Variants in SYNE1 observed in about 807,000 individuals in gnomAD.
SYNE1 encodes the protein nesprin-1.
SYNE1 carries 616 observed loss-of-function variants against 1,111.0 expected under a neutral mutation model. The ratio of observed to expected loss-of-function variants is 0.55; its 90% CI spans 0.52 to 0.59. SYNE1 has a LOEUF of 0.59. Ranked by LOEUF, SYNE1 falls within the 20% of genes least tolerant of loss-of-function variation. SYNE1 has a pLI of 0.00. For synonymous variants in SYNE1, 3,855 were observed against 3,825.8 expected (o/e 1.01, Z -0.28); for missense variants, 10,006 against 10,417.0 (o/e 0.96, Z 1.72).
At chr6:152,613,785 G>C (rs139398214) in intron 3 of SYNE1, among the ~76,000 whole-genome samples, 8,792 of 150,684 alleles carry the variant, frequency 0.058, 286 homozygotes, top group Non-Finnish European at 0.086. Flanking sequence ...TACCAAAACA[G>C]ATATATAGAG....
At chr6:152,553,050 G>T (rs2099353099) in intron 3 of SYNE1, among the ~76,000 whole-genome samples, 1 of 152,034 alleles carries the variant, frequency 6.6e-6, no homozygotes. Context: ...AATGTATGTG[G>T]CAGGCATATG....
chr6:152,310,146 G>A, intron 89 of SYNE1, 129 bp from the exon 90 acceptor site: 11 of 1,293,554 alleles, frequency 8.5e-6, no homozygotes, highest in Non-Finnish European at 1.2e-5. Flanking sequence ...GTTTAAAACA[G>A]TGTTGAGTTT....
chr6:152,463,255 T>G (rs2098744815), intron 19 of SYNE1, 98 bp downstream of exon 19: 2 of 1,559,730 alleles, frequency 1.3e-6, no homozygotes, highest in South Asian at 2.3e-5. Context: ...TTTGCCTTAA[T>G]AAACCCGTGC....
intron 3 of SYNE1, among the ~76,000 whole-genome samples, chr6:152,618,884 C>A (rs964972663): frequency 6.6e-6 from 1 of 152,116 alleles, no homozygotes; most frequent in Non-Finnish European, 1.5e-5. Flanking sequence ...GGGAAGGCTG[C>A]ATATATTCTT....
At chr6:152,636,009 G>A (rs1322604929) in intron 2 of SYNE1, among the ~76,000 whole-genome samples, 1 of 152,176 alleles carries the variant, frequency 6.6e-6, no homozygotes, top group Non-Finnish European at 1.5e-5. Flanking sequence ...CTGGCCGCCT[G>A]TGCACCACCA....
chr6:152,325,063 C>T, intron 81 of SYNE1, 21 bp downstream of exon 81: 10 of 1,611,840 alleles, frequency 6.2e-6, no homozygotes, highest in Non-Finnish European at 7.6e-6. Context: ...GAAAGGTGAG[C>T]CCATGGACAG....
At chr6:152,157,815 G>C (rs2061672923) in intron 131 of SYNE1, among the ~76,000 whole-genome samples, 1 of 150,314 alleles carries the variant, frequency 6.7e-6, no homozygotes, top group Non-Finnish European at 1.5e-5. Context: ...CTGGAGTGCA[G>C]TGGCATGATC....
chr6:152,334,264 TAAC>T lies in SYNE1; in HGVS notation c.12535_12537del (p.Val4179del), dbSNP rs1356327027. On this transcript the variant is annotated inframe_deletion, in exon 77 of 146. Transcript: ENST00000367255. ...GATGCCTGTTTGCTCTGTAGTTTCT[TAAC>T]AAAATCCTAAAGGATAACAGCAACA... 4 of 1,613,514 alleles carry T rather than the reference TAAC, an allele frequency of 2.5e-6. No individual in the cohort carries two copies. Among genetic ancestry groups the T allele is most frequent in the Non-Finnish European group, 3.4e-6 (4 of 1,180,014 alleles).
In SYNE1 at chr6:152,453,648, G is replaced by C; in HGVS notation, c.2965C>G (p.Leu989Val). The change falls in exon 25 of 146, where the codon CTT (leucine) becomes GTT (valine). Residue 989 changes from leucine (L) to valine (V), a missense_variant. Around this residue, in one of 7 missense-constraint regions of SYNE1, gnomAD observed 1,971 missense variants for 2,084.1 expected, o/e 0.95. Coordinates refer to ENST00000367255, the MANE Select transcript of SYNE1 (RefSeq NM_182961.4). ...AGCCCCTGCTGCTCCTGCTCTGGAA[G>C]GATGTCGGTGAGTTCATCACAAGCT... ...LKACDELTDI[L>V]PEQEQQGLQE... 2 of 1,614,198 alleles carry C rather than the reference G, an allele frequency of 1.2e-6. No individual in the cohort carries two copies. Among genetic ancestry groups the C allele is most frequent in the Non-Finnish European group, 1.7e-6 (2 of 1,180,048 alleles).
chr6:152,421,535 A>G (rs2098259858), intron 39 of SYNE1, among the ~76,000 whole-genome samples: 1 of 152,114 alleles, frequency 6.6e-6, no homozygotes, highest in Non-Finnish European at 1.5e-5. Context: ...TACAGTATGT[A>G]TGTTACTAGA....
intron 42 of SYNE1, 98 bp from the exon 43 acceptor site, chr6:152,409,807 T>A: frequency 1.6e-6 from 2 of 1,285,292 alleles, no homozygotes; most frequent in Non-Finnish European, 2.2e-6. Flanking sequence ...GTAAAGGTAT[T>A]AATACTCATA....
chr6:152,584,274 GAGAA>G (rs1439481322), intron 3 of SYNE1, among the ~76,000 whole-genome samples: 3 of 152,016 alleles, frequency 2.0e-5, no homozygotes. Context: ...GAGAGACAGA[GAGAA>G]AGAAAGAGAT....
At chr6:152,412,936 A>G (rs1196253909) in intron 42 of SYNE1, among the ~76,000 whole-genome samples, 1 of 147,348 alleles carries the variant, frequency 6.8e-6, no homozygotes, top group Non-Finnish European at 1.5e-5. Flanking sequence ...ACTGCAACCT[A>G]CACCTCCAGG....
Position 152,465,402 on chromosome 6 carries a change from A to AT in SYNE1, c.1787dup (p.Asn596LysfsTer19). On this transcript the variant is annotated frameshift_variant, in exon 18 of 146. Coordinates refer to ENST00000367255, the MANE Select transcript of SYNE1 (RefSeq NM_182961.4). LOFTEE classifies it high-confidence loss of function. ...TCACACTCCTCACTTCTACTGAGAG[A>AT]TTCCTCCACTGAGCGGTGGTTTCAT... 1 of 1,613,756 alleles carries AT rather than the reference A, an allele frequency of 6.2e-7. No homozygotes were observed. Among genetic ancestry groups the AT allele is most frequent in the Non-Finnish European group, 8.5e-7 (1 of 1,179,818 alleles).
chr6:152,131,300 T>G (rs191817321), intron 144 of SYNE1, among the ~76,000 whole-genome samples: 9 of 146,244 alleles, frequency 6.2e-5, no homozygotes, highest in Non-Finnish European at 1.0e-4. Flanking sequence ...ATTCTTAAAC[T>G]AGGATCTATA....
At chr6:152,180,391 A>T in intron 128 of SYNE1, 97 bp from the exon 129 acceptor site, 2 of 1,173,490 alleles carry the variant, frequency 1.7e-6, no homozygotes, top group Non-Finnish European at 2.5e-6. Flanking sequence ...AAAATGAATG[A>T]TAGTCATACA....
At chr6:152,528,787 A>G (rs1167922096) in intron 4 of SYNE1, among the ~76,000 whole-genome samples, 1 of 152,220 alleles carries the variant, frequency 6.6e-6, no homozygotes, top group Non-Finnish European at 1.5e-5. Flanking sequence ...AAGTTAATAA[A>G]GTTAGTGTTT....
chr6:152,304,145 A>G (rs1215110847), intron 91 of SYNE1, among the ~76,000 whole-genome samples: 2 of 152,260 alleles, frequency 1.3e-5, no homozygotes, highest in Admixed American at 6.5e-5. Flanking sequence ...AAAAACAGTG[A>G]TTGAATAGCT....
intron 4 of SYNE1, among the ~76,000 whole-genome samples, chr6:152,536,049 C>T (rs1457522658): frequency 1.3e-5 from 2 of 151,958 alleles, no homozygotes; most frequent in South Asian, 2.1e-4. Flanking sequence ...AAGTTAGACA[C>T]AGCCACACCC....
Sources: allele counts gnomAD v4.1 joint callset (sites outside exome capture counted in the v4.1 genomes callset), GRCh38; gene constraint gnomAD v4.1.1; regional missense constraint gnomAD v4.1.1; transcripts MANE v1.5; gene names NCBI Gene and HGNC (gene_info 2026-07-23, HGNC 2026-07-21).